SLC38A6: variants seen among roughly 807,000 people sequenced by gnomAD.
The protein encoded by SLC38A6 is solute carrier family 38 member 6.
SLC38A6 carries 73 observed loss-of-function variants against 65.0 expected under a neutral mutation model. That is an observed-to-expected ratio of 1.12 (90% confidence interval 0.93 to 1.37). The LOEUF (loss-of-function observed/expected upper bound fraction) is 1.37. SLC38A6 is among the 40% of genes most tolerant of loss of function. The probability of loss-of-function intolerance (pLI) is 0.00; values close to 1 mark genes in which losing one functional copy is unlikely to be tolerated. For missense variants in SLC38A6, 561 were observed against 531.1 expected, an observed-to-expected ratio of 1.06 and a Z score of -0.55; for synonymous variants, 183 against 178.8, an observed-to-expected ratio of 1.02 and a Z score of -0.19.
At chr14:61,032,115 C>T (rs539331385) in intron 6 of SLC38A6, among the ~76,000 whole-genome samples, 2 of 151,922 alleles carry the variant, frequency 1.3e-5, no homozygotes, top group South Asian at 2.1e-4. Context: ...CTATATTAAA[C>T]GTGGTGTTTC....
chr14:61,010,767 G>A (rs576230469), intron 3 of SLC38A6, among the ~76,000 whole-genome samples: 2 of 152,286 alleles, frequency 1.3e-5, no homozygotes, highest in South Asian at 2.1e-4. Flanking sequence ...CCAGTACCGT[G>A]CTGTTTTGGT....
At chr14:61,053,789 C>T (rs1437795420), downstream of SLC38A6, among the ~76,000 whole-genome samples, 2 of 152,008 alleles carry the variant, frequency 1.3e-5, no homozygotes, top group African/African-American at 2.4e-5. Flanking sequence ...GATATTAGAC[C>T]TTTGTTGGAT....
chr14:61,071,952 A>G (rs2043242763), intron 15 of SLC38A6, among the ~76,000 whole-genome samples: 1 of 152,128 alleles, frequency 6.6e-6, no homozygotes, highest in Non-Finnish European at 1.5e-5. Flanking sequence ...CCATGTGAGA[A>G]TTGTCCCCTT....
At chr14:61,015,012 G>A (rs2039889459) in intron 3 of SLC38A6, among the ~76,000 whole-genome samples, 1 of 152,194 alleles carries the variant, frequency 6.6e-6, no homozygotes, top group Non-Finnish European at 1.5e-5. Context: ...AGGGCTCCTT[G>A]AGCTGTGGTG....
intron 12 of SLC38A6, chr14:61,048,268 G>C: frequency 2.6e-6 from 1 of 388,602 alleles, no homozygotes; most frequent in South Asian, 1.9e-5. Flanking sequence ...AAAGCCCAGA[G>C]AGGTGAAGTG....
At chr14:61,065,223 C>G (rs554781569) in intron 15 of SLC38A6, among the ~76,000 whole-genome samples, 1 of 152,266 alleles carries the variant, frequency 6.6e-6, no homozygotes, top group African/African-American at 2.4e-5. Context: ...TGCTATCCAG[C>G]AATTCCATAT....
chr14:61,046,220 T>C (rs1447798597), intron 12 of SLC38A6, 53 bp downstream of exon 12: 2 of 1,161,746 alleles, frequency 1.7e-6, no homozygotes, highest in Non-Finnish European at 2.5e-6. Context: ...ATAGATGGCC[T>C]CACGCCAATC....
At chr14:61,083,567 T>C (rs1206936732) in exon 17 of SLC38A6, 1 of 1,550,366 alleles carries the variant, frequency 6.5e-7, no homozygotes, top group Non-Finnish European at 8.7e-7. Flanking sequence ...AGAGATACCA[T>C]GGAGATGTGC....
At chr14:61,030,343 G>C in intron 5 of SLC38A6, 102 bp from the exon 6 acceptor site, 2 of 705,680 alleles carry the variant, frequency 2.8e-6, no homozygotes, top group Non-Finnish European at 4.7e-6. Context: ...TCTTCCATAT[G>C]TTGTCATAGC....
rs529807200 is a variant in SLC38A6 at position 61,040,120 on chromosome 14, C to T, written c.624+2437C>T. 8.0e-4 allele frequency among the ~76,000 whole-genome samples: 121 copies of T among 151,968 alleles called. 1 individual carries two copies. The highest frequency in any genetic ancestry group is 1.4e-3 in the Non-Finnish European group (95 of 67,974). ...CGTTCTAAAAGTTCTATCTTAAGTA[C>T]AGATTAGTATTCTAAGCAACGTTTT... On this transcript the variant is annotated intron_variant, in intron 8 of 15. Coordinates refer to ENST00000267488, the MANE Select transcript of SLC38A6 (RefSeq NM_153811.3).
At chr14:61,008,930 G>A (rs187215488) in intron 3 of SLC38A6, among the ~76,000 whole-genome samples, 1 of 152,148 alleles carries the variant, frequency 6.6e-6, no homozygotes, top group African/African-American at 2.4e-5. Context: ...TGCAAGTACT[G>A]TATAGTAAGA....
intron 4 of SLC38A6, among the ~76,000 whole-genome samples, chr14:61,018,146 AT>A (rs1194235731): frequency 2.6e-5 from 4 of 152,218 alleles, no homozygotes; most frequent in African/African-American, 9.6e-5. Context: ...CAGCCAAAGA[AT>A]GAAAGAATAA....
At chr14:61,010,798 G>A (rs2039502816) in intron 3 of SLC38A6, among the ~76,000 whole-genome samples, 1 of 152,182 alleles carries the variant, frequency 6.6e-6, no homozygotes, top group South Asian at 2.1e-4. Context: ...TCGTAGTATA[G>A]TTTGAAGTCA....
intron 5 of SLC38A6, among the ~76,000 whole-genome samples, chr14:61,020,543 A>G (rs1335889692): frequency 6.6e-6 from 1 of 152,132 alleles, no homozygotes; most frequent in Non-Finnish European, 1.5e-5. Context: ...ACATTCCACC[A>G]GTGAATTGTG....
At chr14:61,051,677 TA>T in intron 13 of SLC38A6, 109 bp from the exon 14 acceptor site, 2 of 1,194,654 alleles carry the variant, frequency 1.7e-6, no homozygotes, top group Non-Finnish European at 1.2e-6. Context: ...TTTTGAAATC[TA>T]AATGATGTAG....
Position 61,030,442 on chromosome 14 carries a change from C to A in SLC38A6, c.404-3C>A, listed in dbSNP as rs1370862957. Reference sequence around the variant, plus strand: ...AATAGGAACACTATTTATTCTTTTGCAGCTATGTCATCTTATCTTTTAATT... The same window carrying A: ...AATAGGAACACTATTTATTCTTTTGAAGCTATGTCATCTTATCTTTTAATT... On this transcript the variant is annotated splice_region_variant and splice_polypyrimidine_tract_variant and intron_variant, in intron 5 of 15. Transcript: ENST00000267488. 1.3e-6 allele frequency: 2 copies of A among 1,593,684 alleles called. No homozygotes were observed. Among genetic ancestry groups the A allele is most frequent in the Middle Eastern group, 1.8e-4 (1 of 5,694 alleles).
chr14:60,991,629 A>G (rs913484), intron 3 of SLC38A6, among the ~76,000 whole-genome samples: 134,740 of 152,146 alleles, frequency 0.89, 60,352 homozygotes, highest in Non-Finnish European at 0.96. Flanking sequence ...CTCTTCTTGG[A>G]CGTTTCTTCC....
intron 16 of SLC38A6, among the ~76,000 whole-genome samples, chr14:61,079,839 C>T (rs557221258): frequency 1.3e-5 from 2 of 151,938 alleles, no homozygotes; most frequent in Non-Finnish European, 2.9e-5. Flanking sequence ...CCCTGAACAA[C>T]GAAGGATTTC....
downstream of SLC38A6, among the ~76,000 whole-genome samples, chr14:61,053,206 C>G (rs1300311739): frequency 1.3e-5 from 2 of 152,046 alleles, no homozygotes; most frequent in African/African-American, 2.4e-5. Flanking sequence ...AAGACATGAT[C>G]TTATTTTTTA....
Sources: gnomAD v4.1 joint callset for allele counts (sites outside exome capture counted in the v4.1 genomes callset) on GRCh38, gnomAD v4.1.1 for gene constraint, MANE v1.5 for transcripts, NCBI Gene and HGNC (gene_info 2026-07-23, HGNC 2026-07-21) for gene names.